Variants in CDHR1 observed in about 807,000 individuals in gnomAD.
The protein encoded by CDHR1 is cadherin-related family member 1.
Under a neutral mutation model 72.1 loss-of-function variants are expected in CDHR1, and 61 were observed. The ratio of observed to expected loss-of-function variants is 0.85; its 90% CI spans 0.69 to 1.05. The LOEUF (loss-of-function observed/expected upper bound fraction) is 1.05. CDHR1 is among the 50% of genes least tolerant of loss of function. The pLI is 0.00. For missense variants in CDHR1, 1,186 were observed against 1,115.7 expected (o/e 1.06, Z -0.90); for synonymous variants, 470 against 448.1 (o/e 1.05, Z -0.62).
chr10:84,196,729 A>G (rs551653926), intron 3 of CDHR1, 79 bp downstream of exon 3: 3 of 1,536,058 alleles, frequency 2.0e-6, no homozygotes, highest in African/African-American at 2.7e-5. Context: ...CCTGGAGCAC[A>G]TTGGTTAGAA....
chr10:84,215,643 T>C lies in CDHR1; in HGVS notation c.*1022T>C, dbSNP rs780923062. On this transcript the variant is annotated 3_prime_UTR_variant, in exon 17 of 17. Coordinates refer to ENST00000623527, the MANE Select transcript of CDHR1 (RefSeq NM_033100.4). ...GGTCTAGGGTGAGGATTGAAGAAAATAGTGGTGATGAGGGCTTTAACCAAG... is the reference window on the plus strand; with the variant it reads ...GGTCTAGGGTGAGGATTGAAGAAAACAGTGGTGATGAGGGCTTTAACCAAG... The C allele has an allele frequency of 2.3e-5, 22 of 975,082 alleles. No homozygotes were observed. Among genetic ancestry groups the C allele is most frequent in the South Asian group, 4.8e-5 (1 of 21,040 alleles). The allele number at this position is 975,082 out of a possible 1,614,324, so 60.4% of individuals were successfully genotyped here.
At chr10:84,202,683 T>C (rs896618514) in intron 7 of CDHR1, among the ~76,000 whole-genome samples, 3 of 152,190 alleles carry the variant, frequency 2.0e-5, no homozygotes, top group Non-Finnish European at 4.4e-5. Context: ...GCTTGAGGCT[T>C]GGTTTCTGGC....
chr10:84,196,393 C>T (rs746542791), intron 2 of CDHR1, 112 bp from the exon 3 acceptor site: 2 of 1,197,562 alleles, frequency 1.7e-6, no homozygotes, highest in Non-Finnish European at 2.5e-6. Flanking sequence ...ACCTTTGGCA[C>T]TGAGTTGAAT....
At chr10:84,211,766 G>T in intron 14 of CDHR1, 51 bp downstream of exon 14, 3 of 1,507,974 alleles carry the variant, frequency 2.0e-6, no homozygotes, top group Admixed American at 1.7e-5. Flanking sequence ...GGATTGGAAG[G>T]CTGAGGGTGG....
In CDHR1 at chr10:84,208,806, T is replaced by G; in HGVS notation, c.1245T>G (p.Asn415Lys). 1 of 1,614,234 alleles carries G rather than the reference T, an allele frequency of 6.2e-7. No homozygotes were observed. Among genetic ancestry groups the G allele is most frequent in the East Asian group, 2.2e-5 (1 of 44,892 alleles). The change falls in exon 12 of 17, where the codon AAT (asparagine) becomes AAG (lysine). Residue 415 changes from asparagine to lysine, a missense_variant. Asn to Lys is a moderately conservative substitution (Grantham distance 94). Transcript: ENST00000623527. ...IFRVVPQTVL[N>K]EAQVTIIVEN... ...GAGTGGTTCCACAGACAGTCCTGAA[T>G]GAAGCCCAAGTCACAATCATTGTGG...
At chr10:84,199,698 T>C (rs901573014) in intron 5 of CDHR1, among the ~76,000 whole-genome samples, 1 of 152,196 alleles carries the variant, frequency 6.6e-6, no homozygotes, top group African/African-American at 2.4e-5. Flanking sequence ...TTGTTTTTCA[T>C]TAATTAGGAT....
chr10:84,214,008 G>A, intron 16 of CDHR1, 74 bp from the exon 17 acceptor site: 1 of 1,596,522 alleles, frequency 6.3e-7, no homozygotes, highest in East Asian at 2.2e-5. Context: ...TAGGCTTAAG[G>A]AAGCACATAC....
rs1235201552 is a variant in CDHR1 at position 84,216,818 on chromosome 10, GC to G, written c.*2200del. ...ATGGAACCTGGAGCTAGAATTAATT[GC>G]CCACTCTCCCACCCTACCAGTGCAG... On this transcript the variant is annotated 3_prime_UTR_variant, in exon 17 of 17. Coordinates refer to ENST00000623527, the MANE Select transcript of CDHR1 (RefSeq NM_033100.4). 1 of 985,380 alleles carries G rather than the reference GC, an allele frequency of 1.0e-6. No individual in the cohort carries two copies. The highest frequency in any genetic ancestry group is 1.7e-5 in the African/African-American group (1 of 57,252). The allele number at this position is 985,380 out of a possible 1,614,324, so 61.0% of individuals were successfully genotyped here. A position where few individuals can be genotyped will look rare whatever the true frequency, so the allele number is the denominator to read the frequency against.
chr10:84,205,697 A>G, intron 9 of CDHR1, 130 bp from the exon 10 acceptor site: 1 of 715,262 alleles, frequency 1.4e-6, no homozygotes, highest in Non-Finnish European at 2.5e-6. Context: ...TTCCATGTTG[A>G]CAAGACACAG....
rs2132841226 is a variant in CDHR1, at chr10:84,216,018, C to G, written c.*1397C>G. 1 of 985,418 alleles carries G rather than the reference C, an allele frequency of 1.0e-6. No homozygotes were observed. Among genetic ancestry groups the G allele is most frequent in the East Asian group, 1.1e-4 (1 of 8,814 alleles). The allele number at this position is 985,418 out of a possible 1,614,324, so 61.0% of individuals were successfully genotyped here. On this transcript the variant is annotated 3_prime_UTR_variant, in exon 17 of 17. Coordinates refer to ENST00000623527, the MANE Select transcript of CDHR1 (RefSeq NM_033100.4). ...AAAGATCTTGTCTAGCCAGGGCAGC[C>G]CTTATCAGCTTGTGACAACCTTCCC...
Position 84,214,132 on chromosome 10 carries a change from C to A in CDHR1, c.2091C>A (p.Asn697Lys), listed in dbSNP as rs754075245. 2.5e-6 allele frequency: 4 copies of A among 1,614,222 alleles called. No individual in the cohort carries two copies. The East Asian group carries it at 6.7e-5, about 27-fold the overall frequency. ...CCTTCCTGATACAGACCAAGGACAA[C>A]CCCATGAAGGCCGTGGGTGTGCTGG... is the stretch of plus-strand genomic sequence containing the variant. Reference protein sequence around the residue: ...MAAFLIQTKDNPMKAVGVLAG... With the variant: ...MAAFLIQTKDKPMKAVGVLAG... Residue 697 changes from asparagine to lysine, a missense_variant, in exon 17 of 17, where the codon AAC becomes AAA. Coordinates refer to ENST00000623527, the MANE Select transcript of CDHR1 (RefSeq NM_033100.4).
intron 13 of CDHR1, 146 bp from the exon 14 acceptor site, chr10:84,211,502 C>A: frequency 2.7e-6 from 2 of 736,708 alleles, no homozygotes; most frequent in Non-Finnish European, 4.8e-6. Flanking sequence ...CTAGGGATCC[C>A]GGGCAGGTCT....
Position 84,215,383 on chromosome 10 carries a change from A to G in CDHR1, c.*762A>G. 2.0e-6 allele frequency: 2 copies of G among 985,630 alleles called. No homozygotes were observed. Among genetic ancestry groups the G allele is most frequent in the Non-Finnish European group, 2.4e-6 (2 of 830,100 alleles). The allele number at this position is 985,630 out of a possible 1,614,324, so 61.1% of individuals were successfully genotyped here. A position where few individuals can be genotyped will look rare whatever the true frequency, so the allele number is the denominator to read the frequency against. On this transcript the variant is annotated 3_prime_UTR_variant, in exon 17 of 17. Transcript: ENST00000623527. Reference sequence around the variant, plus strand: ...AAGCTGGAGCTATAGAGGTAGCCCTAAAGGCAACTAGAAGAGCATCAGGGC... The same window carrying G: ...AAGCTGGAGCTATAGAGGTAGCCCTGAAGGCAACTAGAAGAGCATCAGGGC...
chr10:84,204,225 G>T (rs971267348), intron 8 of CDHR1, among the ~76,000 whole-genome samples: 5 of 152,284 alleles, frequency 3.3e-5, no homozygotes, highest in African/African-American at 1.2e-4. Flanking sequence ...TAGAGGCAAG[G>T]GCTGAGTGTG....
rs368242294 is a variant in CDHR1, at chr10:84,208,194, G to A, written c.984G>A (p.Ala328=). The stretch of plus-strand genomic sequence containing the variant: ...CCCAGGTGACTGAAATGAGCCCTGC[G>A]GGGAGCCCAGCTGCCCAGGCCACCG... ...LHVQVTEMSP[A]GSPAAQATVP... is the part of the protein sequence containing the mutation. Residue 328 remains alanine, a synonymous_variant, in exon 11 of 17, where the codon GCG becomes GCA. Coordinates refer to ENST00000623527, the MANE Select transcript of CDHR1 (RefSeq NM_033100.4). 3.2e-5 allele frequency: 52 copies of A among 1,614,086 alleles called. No individual in the cohort carries two copies. Among genetic ancestry groups the A allele is most frequent in the Admixed American group, 1.7e-4 (10 of 60,004 alleles).
chr10:84,203,638 ACTCCTGACCT>A (rs1842171485), intron 8 of CDHR1, among the ~76,000 whole-genome samples: 1 of 151,108 alleles, frequency 6.6e-6, no homozygotes, highest in Admixed American at 6.6e-5. Flanking sequence ...CTGTTCTGGA[ACTCCTGACCT>A]CAGGTGATCC....
At chr10:84,203,170 G>A (rs1428937539) in intron 8 of CDHR1, 47 bp downstream of exon 8, 1 of 1,612,464 alleles carries the variant, frequency 6.2e-7, no homozygotes, top group Non-Finnish European at 8.5e-7. Context: ...AATGCCTCCT[G>A]CCCTGACCCT....
chr10:84,208,975 C>T (rs1842281509), intron 12 of CDHR1, 94 bp downstream of exon 12: 5 of 1,321,266 alleles, frequency 3.8e-6, no homozygotes, highest in Admixed American at 1.9e-5. Flanking sequence ...TCTTGTCACT[C>T]TCTGCCCTTC....
chr10:84,205,918 G>T lies in CDHR1; in HGVS notation c.954G>T (p.Leu318=). 6.2e-7 allele frequency: 1 copy of T among 1,612,970 alleles called. No homozygotes were observed. The highest frequency in any genetic ancestry group is 8.5e-7 in the Non-Finnish European group (1 of 1,178,940). The stretch of plus-strand genomic sequence containing the variant: ...AGCTCCAGAGAGAGGTGTATGAGCT[G>T]CATGTACAGGTACCCTCCCTCTAGC... The part of the protein sequence containing the change: ...PAQLQREVYE[L]HVQVTEMSPA... The change falls in exon 10 of 17, where the codon CTG becomes CTT. Residue 318 remains leucine (L), a synonymous_variant. Coordinates refer to ENST00000623527, the MANE Select transcript of CDHR1 (RefSeq NM_033100.4).
Sources: gnomAD v4.1 joint callset for allele counts (sites outside exome capture counted in the v4.1 genomes callset) on GRCh38, gnomAD v4.1.1 for gene constraint, MANE v1.5 for transcripts, NCBI Gene and HGNC (gene_info 2026-07-23, HGNC 2026-07-21) for gene names.